LMNTD1: variants seen among roughly 807,000 people sequenced by gnomAD.
LMNTD1 encodes lamin tail domain containing 1.
Under a neutral mutation model 50.9 loss-of-function variants are expected in LMNTD1, and 35 were observed. The observed-to-expected ratio is 0.69, with a 90% confidence interval of 0.53 to 0.91. The LOEUF (loss-of-function observed/expected upper bound fraction) is 0.91. Ranked by LOEUF, LMNTD1 falls within the 40% of genes least tolerant of loss-of-function variation. LMNTD1 has a pLI of 0.00. For synonymous variants in LMNTD1, 153 were observed against 161.9 expected, an observed-to-expected ratio of 0.94 and a Z score of 0.42; for missense variants, 470 against 475.5, an observed-to-expected ratio of 0.99 and a Z score of 0.11.
intron 1 of LMNTD1, among the ~76,000 whole-genome samples, chr12:25,634,670 G>A (rs1299268564): frequency 6.6e-6 from 1 of 152,122 alleles, no homozygotes; most frequent in Non-Finnish European, 1.5e-5. Context: ...TGTGATAAAA[G>A]CCATCTATAA....
At chr12:25,531,145 G>C (rs149963520) in intron 4 of LMNTD1, among the ~76,000 whole-genome samples, 2 of 152,178 alleles carry the variant, frequency 1.3e-5, no homozygotes, top group Admixed American at 6.5e-5. Context: ...ACCTCAAAGA[G>C]CATGGAAGCA....
intron 1 of LMNTD1, among the ~76,000 whole-genome samples, chr12:25,639,381 C>T (rs1477890809): frequency 6.6e-6 from 1 of 152,074 alleles, no homozygotes; most frequent in Admixed American, 6.5e-5. Context: ...GAAGAGACAA[C>T]TCACAGAATT....
intron 8 of LMNTD1, among the ~76,000 whole-genome samples, chr12:25,514,580 G>T (rs1215353340): frequency 6.6e-6 from 1 of 151,136 alleles, no homozygotes; most frequent in Admixed American, 6.6e-5. Flanking sequence ...AAGAAAGAAT[G>T]AATAAGACCT....
intron 1 of LMNTD1, among the ~76,000 whole-genome samples, chr12:25,560,819 T>G (rs1408733941): frequency 6.6e-6 from 1 of 152,208 alleles, no homozygotes; most frequent in African/African-American, 2.4e-5. Context: ...TCACTCATGA[T>G]TTGGCTCTCT....
At chr12:25,553,613 A>G (rs1022578990), upstream of LMNTD1, among the ~76,000 whole-genome samples, 2 of 152,206 alleles carry the variant, frequency 1.3e-5, no homozygotes, top group African/African-American at 4.8e-5. Flanking sequence ...CAGCAAGAAT[A>G]GAAACCATAA....
chr12:25,527,786 A>G (rs1235906591), intron 4 of LMNTD1, among the ~76,000 whole-genome samples: 1 of 147,606 alleles, frequency 6.8e-6, no homozygotes, highest in African/African-American at 2.5e-5. Flanking sequence ...TTGTCTACCT[A>G]TCTCTGTATA....
chr12:25,527,291 ACT>A (rs977220235), intron 4 of LMNTD1, among the ~76,000 whole-genome samples: 1 of 151,710 alleles, frequency 6.6e-6, no homozygotes, highest in African/African-American at 2.4e-5. Context: ...GAGACATGAA[ACT>A]CTCAAAAGTA....
At chr12:25,591,858 A>AGAGAGAGAGT (rs1945710122) in intron 1 of LMNTD1, among the ~76,000 whole-genome samples, 1 of 146,018 alleles carries the variant, frequency 6.8e-6, no homozygotes, top group Non-Finnish European at 1.5e-5. Flanking sequence ...AGAGAGAGAG[A>AGAGAGAGAGT]CTCTATTTAT....
intron 9 of LMNTD1, among the ~76,000 whole-genome samples, chr12:25,481,303 A>G (rs1410510683): frequency 1.3e-5 from 2 of 151,994 alleles, no homozygotes; most frequent in Non-Finnish European, 2.9e-5. Flanking sequence ...TATTTTGTAT[A>G]TTGTTCGTTT....
intron 6 of LMNTD1, among the ~76,000 whole-genome samples, chr12:25,520,721 A>G (rs773369442): frequency 3.8e-4 from 58 of 152,314 alleles, no homozygotes; most frequent in Non-Finnish European, 5.6e-4. Flanking sequence ...TGTACCCAGA[A>G]GAGGGATTGC....
At chr12:25,601,363 T>C (rs944997171) in intron 1 of LMNTD1, among the ~76,000 whole-genome samples, 2 of 151,462 alleles carry the variant, frequency 1.3e-5, no homozygotes, top group East Asian at 3.9e-4. Flanking sequence ...AACAAAAAAA[T>C]AGTTAGAAAG....
At chr12:25,590,505 G>C (rs902446632) in intron 1 of LMNTD1, among the ~76,000 whole-genome samples, 1 of 152,286 alleles carries the variant, frequency 6.6e-6, no homozygotes, top group Middle Eastern at 3.4e-3. Flanking sequence ...GTGAGTCCTA[G>C]TGCTGGACTG....
At chr12:25,648,499 T>G (rs1225868976) in exon 1 of LMNTD1, 2 of 1,551,388 alleles carry the variant, frequency 1.3e-6, no homozygotes, top group African/African-American at 1.4e-5. Context: ...CTTACTGTGG[T>G]GGGTCTGGAC....
At chr12:25,570,607 G>C (rs181004107) in intron 1 of LMNTD1, among the ~76,000 whole-genome samples, 5 of 152,288 alleles carry the variant, frequency 3.3e-5, no homozygotes, top group African/African-American at 1.2e-4. Flanking sequence ...GATGGCATGG[G>C]TGGGGAGTGC....
intron 2 of LMNTD1, 48 bp downstream of exon 2, chr12:25,552,823 C>T (rs547902184): frequency 1.3e-4 from 152 of 1,143,978 alleles, no homozygotes; most frequent in South Asian, 1.3e-3. Context: ...CATTCCTCCT[C>T]TATAACTCAG....
chr12:25,501,222 C>G (rs934543869), intron 9 of LMNTD1, among the ~76,000 whole-genome samples: 1 of 152,114 alleles, frequency 6.6e-6, no homozygotes, highest in African/African-American at 2.4e-5. Flanking sequence ...AACTCCTGAC[C>G]TCAAGTAATC....
rs541402141 is a variant in LMNTD1 at position 25,559,096 on chromosome 12, G to C, written c.59-12542C>G. On this transcript the variant is annotated intron_variant, in intron 1 of 7. Transcript: ENST00000445693. ...GTTCTAGGGTACATGTGTACAACAT[G>C]TGGGTTTGTTACATATGCATACACA... Among the ~76,000 whole-genome samples the C allele has an allele frequency of 3.3e-5, 5 of 151,548 alleles. No homozygotes were observed. The South Asian group carries it at 1.0e-3, about 32-fold the overall frequency.
chr12:25,629,298 A>C (rs1946663012), intron 1 of LMNTD1, among the ~76,000 whole-genome samples: 1 of 152,104 alleles, frequency 6.6e-6, no homozygotes, highest in African/African-American at 2.4e-5. Context: ...ACTTTCTCCT[A>C]TCTCCTTACT....
intron 9 of LMNTD1, among the ~76,000 whole-genome samples, chr12:25,499,263 A>C (rs1591829922): frequency 6.6e-6 from 1 of 151,644 alleles, no homozygotes; most frequent in Non-Finnish European, 1.5e-5. Flanking sequence ...TTGTAGTGAC[A>C]GAGTTTCACT....
Sources: allele counts gnomAD v4.1 joint callset (sites outside exome capture counted in the v4.1 genomes callset), GRCh38; gene constraint gnomAD v4.1.1; transcripts MANE v1.5; gene names NCBI Gene and HGNC (gene_info 2026-07-23, HGNC 2026-07-21).